SLC41A2: variants seen among roughly 807,000 people sequenced by gnomAD.
The protein encoded by SLC41A2 is SLC41A1-like 1.
A neutral mutation model predicts 58.3 loss-of-function variants in SLC41A2; 32 were observed. That is an observed-to-expected ratio of 0.55 (90% CI 0.41 to 0.74). The LOEUF is 0.74. Ranked by LOEUF, SLC41A2 falls within the 30% of genes least tolerant of loss-of-function variation. The pLI is 0.00. For missense variants in SLC41A2, 514 were observed against 680.6 expected, an observed-to-expected ratio of 0.76 and a Z score of 2.72; for synonymous variants, 190 against 235.0, an observed-to-expected ratio of 0.81 and a Z score of 1.75.
At chr12:104,898,496 A>G (rs2045402395) in intron 3 of SLC41A2, among the ~76,000 whole-genome samples, 1 of 151,814 alleles carries the variant, frequency 6.6e-6, no homozygotes, top group Non-Finnish European at 1.5e-5. Flanking sequence ...AGGTACTGAA[A>G]GTCTCCATTC....
At chr12:104,871,202 G>A (rs1210460871) in intron 6 of SLC41A2, among the ~76,000 whole-genome samples, 1 of 152,084 alleles carries the variant, frequency 6.6e-6, no homozygotes, top group Non-Finnish European at 1.5e-5. Context: ...CCTACAAAGA[G>A]AATATCTAAT....
intron 1 of SLC41A2, among the ~76,000 whole-genome samples, chr12:104,937,750 C>T (rs1367939535): frequency 6.6e-6 from 1 of 152,178 alleles, no homozygotes; most frequent in African/African-American, 2.4e-5. Flanking sequence ...GGACCTCAGT[C>T]AGCTCCCATC....
At chr12:104,854,558 G>A (rs1320161370) in intron 8 of SLC41A2, among the ~76,000 whole-genome samples, 2 of 126,232 alleles carry the variant, frequency 1.6e-5, no homozygotes, top group East Asian at 4.4e-4. Flanking sequence ...GCCAGACTCC[G>A]TCTCAAAAAA....
chr12:104,814,896 G>C (rs191556299), intron 10 of SLC41A2, among the ~76,000 whole-genome samples: 3 of 152,106 alleles, frequency 2.0e-5, no homozygotes, highest in Non-Finnish European at 4.4e-5. Flanking sequence ...TCTTTAAAAC[G>C]AATAAATTTA....
rs2040755256 is a variant in SLC41A2 at position 104,803,077 on chromosome 12, C to T, written c.*2075G>A. 6.6e-6 allele frequency: 1 copy of T among 152,046 alleles called. No homozygotes were observed. 9.4% of individuals were successfully genotyped at this position (152,046 alleles called of 1,614,324 possible). ...TATTAAATGATATTGTGTGTTTGTG[C>T]ACTGGAATGTGTAATATAATAAAGT... On this transcript the variant is annotated 3_prime_UTR_variant, in exon 11 of 11. Transcript: ENST00000258538.
chr12:104,881,112 T>C (rs551072327), intron 6 of SLC41A2, among the ~76,000 whole-genome samples: 1 of 152,344 alleles, frequency 6.6e-6, no homozygotes, highest in South Asian at 2.1e-4. Context: ...TAGAGGTGTT[T>C]ATAGTATTCT....
chr12:104,915,646 T>A (rs1034935261), intron 2 of SLC41A2, among the ~76,000 whole-genome samples: 1 of 152,232 alleles, frequency 6.6e-6, no homozygotes, highest in Non-Finnish European at 1.5e-5. Flanking sequence ...CTGAAGTTGC[T>A]TATCAGCTTA....
At position 104,815,488 on chromosome 12, in the gene SLC41A2, A is replaced by G. The variant is rs185542254; in HGVS notation, c.1537-10151T>C. On this transcript the variant is annotated intron_variant, in intron 10 of 10. Coordinates refer to ENST00000258538, the MANE Select transcript of SLC41A2 (RefSeq NM_001352171.3). ...AATATATATATTTGCTTTGGATGAT[A>G]TTGATTCCTTCAGCCAGCTCCTTCT... Among the ~76,000 whole-genome samples the G allele has an allele frequency of 1.1e-4, 17 of 152,320 alleles. No individual in the cohort carries two copies. In the East Asian group the frequency reaches 2.9e-3, roughly 26 times the overall value.
At chr12:104,936,490 T>A (rs1053024652) in intron 1 of SLC41A2, among the ~76,000 whole-genome samples, 1 of 152,150 alleles carries the variant, frequency 6.6e-6, no homozygotes, top group African/African-American at 2.4e-5. Flanking sequence ...GTTGGACTCA[T>A]GTGGCTGGGG....
intron 10 of SLC41A2, chr12:104,834,003 TGAGAA>T: frequency 1.0e-6 from 1 of 979,026 alleles, no homozygotes; most frequent in Non-Finnish European, 1.2e-6. Context: ...GCAGAATACT[TGAGAA>T]AAGATGGTTG....
chr12:104,853,911 ATTTTTTTTT>A (rs1555202443), intron 8 of SLC41A2, among the ~76,000 whole-genome samples: 2 of 59,494 alleles, frequency 3.4e-5, no homozygotes, highest in African/African-American at 6.9e-5. Flanking sequence ...TGCCTGGCTG[ATTTTTTTTT>A]TTTTTTTTTT....
chr12:104,850,057 A>G (rs1226736919), intron 8 of SLC41A2, among the ~76,000 whole-genome samples: 1 of 152,202 alleles, frequency 6.6e-6, no homozygotes, highest in Non-Finnish European at 1.5e-5. Flanking sequence ...TTGAAGAAGA[A>G]TTAGAGAACA....
intron 10 of SLC41A2, among the ~76,000 whole-genome samples, chr12:104,816,898 T>C (rs2041428501): frequency 6.6e-6 from 1 of 152,350 alleles, no homozygotes; most frequent in Middle Eastern, 3.4e-3. Flanking sequence ...TCAAGTCCTT[T>C]ACATAAAATG....
intron 3 of SLC41A2, among the ~76,000 whole-genome samples, chr12:104,896,945 C>T (rs1484324477): frequency 6.6e-6 from 1 of 152,120 alleles, no homozygotes; most frequent in Non-Finnish European, 1.5e-5. Flanking sequence ...CAGACTTCCT[C>T]GCTGTAATGC....
chr12:104,855,358 T>C (rs1195830634), intron 8 of SLC41A2, among the ~76,000 whole-genome samples: 1 of 152,236 alleles, frequency 6.6e-6, no homozygotes, highest in East Asian at 1.9e-4. Flanking sequence ...TCTTCCTTAA[T>C]CCCATATCCT....
chr12:104,877,391 C>A (rs2044102292), intron 6 of SLC41A2, among the ~76,000 whole-genome samples: 1 of 150,918 alleles, frequency 6.6e-6, no homozygotes, highest in East Asian at 1.9e-4. Flanking sequence ...ATCTGTAACA[C>A]AAAAAATATA....
At chr12:104,855,776 G>A (rs1257707405) in intron 8 of SLC41A2, among the ~76,000 whole-genome samples, 2 of 152,154 alleles carry the variant, frequency 1.3e-5, no homozygotes, top group Admixed American at 6.5e-5. Flanking sequence ...AAATAGAGAC[G>A]ATAAGGGAGA....
intron 7 of SLC41A2, among the ~76,000 whole-genome samples, 183 bp from the exon 8 acceptor site, chr12:104,861,553 G>A (rs112201217): frequency 2.0e-5 from 3 of 152,170 alleles, no homozygotes; most frequent in African/African-American, 2.4e-5. Context: ...AATAAAACAC[G>A]GCATAAGCTC....
intron 4 of SLC41A2, 101 bp from the exon 5 acceptor site, chr12:104,889,278 T>C (rs1485897859): frequency 8.2e-7 from 1 of 1,212,368 alleles, no homozygotes; most frequent in East Asian, 2.6e-5. Context: ...AAAAAAGTAT[T>C]GCATGTAATA....
Sources: allele counts gnomAD v4.1 joint callset (sites outside exome capture counted in the v4.1 genomes callset), GRCh38; gene constraint gnomAD v4.1.1; transcripts MANE v1.5; gene names NCBI Gene and HGNC (gene_info 2026-07-23, HGNC 2026-07-21).